The following PNPLA6 variants were observed in gnomAD, a reference collection of about 807,000 sequenced individuals.
PNPLA6 encodes the protein patatin like domain 6, lysophospholipase, also known as patatin-like phospholipase domain-containing protein 6.
In PNPLA6, 105 loss-of-function variants were observed where a neutral mutation model predicts 153.7. The observed-to-expected ratio is 0.68, with a 90% CI of 0.58 to 0.80. The LOEUF (loss-of-function observed/expected upper bound fraction) is 0.80. PNPLA6 is among the 30% of genes least tolerant of loss of function. The probability of loss-of-function intolerance (pLI) is 0.00; values close to 1 mark genes in which losing one functional copy is unlikely to be tolerated. For synonymous variants in PNPLA6, 825 were observed against 822.2 expected (o/e 1.00, Z -0.06); for missense variants, 1,423 against 1,919.3 (o/e 0.74, Z 4.83).
rs2023193223 is a variant in PNPLA6, at chr19:7,542,431, C to T, written c.1253-130C>T. The T allele has an allele frequency of 2.3e-5, 17 of 748,640 alleles. 1 individual carries two copies. In the South Asian group the frequency reaches 2.5e-4, roughly 11 times the overall value. 46.4% of individuals were successfully genotyped at this position (748,640 alleles called of 1,614,324 possible). Reference sequence around the variant, plus strand: ...CTCACTGCAGCCTCGAACTCCTATGCTCAAGTGATCCTCCAGCCCCAGCCT... The same window carrying T: ...CTCACTGCAGCCTCGAACTCCTATGTTCAAGTGATCCTCCAGCCCCAGCCT... On this transcript the variant is annotated intron_variant, in intron 10 of 31. Coordinates refer to ENST00000600737, the MANE Select transcript of PNPLA6 (RefSeq NM_001166114.2).
Position 7,555,774 on chromosome 19 carries a change from C to A in PNPLA6, c.3093+11C>A, listed in dbSNP as rs376813156. 3 of 1,612,314 alleles carry A rather than the reference C, an allele frequency of 1.9e-6. No individual in the cohort carries two copies. The highest frequency in any genetic ancestry group is 3.3e-5 in the Admixed American group (2 of 59,974). ...CGGGAGTGGGCCAAGGTGTGTGTTGCGAGGAGGGATTGCTGCACCCCAGGA... is the reference window on the plus strand; with the variant it reads ...CGGGAGTGGGCCAAGGTGTGTGTTGAGAGGAGGGATTGCTGCACCCCAGGA... On this transcript the variant is annotated intron_variant, in intron 24 of 31. Transcript: ENST00000600737. This position sits in a 1 kb window ranked among gnomAD's most constrained non-coding sequence, Gnocchi z 6.3.
At position 7,561,053 on chromosome 19, in the gene PNPLA6, G is replaced by A. The variant is rs1318719241; in HGVS notation, c.3856G>A (p.Glu1286Lys). The change falls in exon 30 of 32, where the codon GAG (glutamate) becomes AAG (lysine). Residue 1286 changes from glutamate to lysine, a missense_variant. Glu to Lys is a moderately conservative substitution (Grantham distance 56, BLOSUM62 1). Coordinates refer to ENST00000600737, the MANE Select transcript of PNPLA6 (RefSeq NM_001166114.2). ...FPSSGFTDLA[E>K]IVSRIEPPTS... ...AAGCTCTGGCTTCACTGACTTGGCA[G>A]AGATTGTGTCCCGGATTGAGCCCCC... The A allele has an allele frequency of 1.5e-5, 24 of 1,613,342 alleles. No individual in the cohort carries two copies. Among genetic ancestry groups the A allele is most frequent in the Admixed American group, 5.0e-5 (3 of 59,884 alleles).
In PNPLA6 at chr19:7,538,491, A is replaced by G. The variant is rs561984960; in HGVS notation, c.414-1427A>G. Among the ~76,000 whole-genome samples, 4 of 152,224 alleles carry G rather than the reference A, an allele frequency of 2.6e-5. No individual in the cohort carries two copies. The East Asian group carries it at 7.7e-4, about 29-fold the overall frequency. ...AGCCACCACGCCCAGCCAAAAAAGG[A>G]ATTATATCTGAATTTCTTGATTTCA... On this transcript the variant is annotated intron_variant, in intron 3 of 31. Transcript: ENST00000600737.
At chr19:7,539,547 C>G (rs2023025373) in intron 3 of PNPLA6, among the ~76,000 whole-genome samples, 1 of 151,050 alleles carries the variant, frequency 6.6e-6, no homozygotes, top group Non-Finnish European at 1.5e-5. Flanking sequence ...CACCTGAGGT[C>G]AGGAGTTCGA....
chr19:7,556,667 C>T lies in PNPLA6; in HGVS notation c.3223C>T (p.Pro1075Ser), dbSNP rs749321933. The T allele has an allele frequency of 3.7e-6, 6 of 1,613,554 alleles. No homozygotes were observed. The highest frequency in any genetic ancestry group is 5.1e-6 in the Non-Finnish European group (6 of 1,179,576). Residue 1075 changes from proline to serine, a missense_variant, in exon 26 of 32, where the codon CCT becomes TCT. Around this residue, in one of 10 missense-constraint regions of PNPLA6, gnomAD observed 643 missense variants for 835.2 expected, o/e 0.77. Transcript: ENST00000600737. ...CCTGTCCCCGCAGGACCTGTGGCTG[C>T]CTTACTTCAACGTGACCACAGATAT... ...QDKQIEDLWL[P>S]YFNVTTDITA...
At chr19:7,556,949 T>A (rs1427238881) in intron 26 of PNPLA6, 2 of 689,428 alleles carry the variant, frequency 2.9e-6, no homozygotes, top group Non-Finnish European at 5.3e-6. Flanking sequence ...CTTACCCCCC[T>A]CACGCCATCC....
At position 7,553,905 on chromosome 19, in the gene PNPLA6, A is replaced by T; in HGVS notation, c.2291A>T (p.Glu764Val). The change falls in exon 19 of 32, where the codon GAA becomes GTA. Residue 764 changes from glutamate (E) to valine (V), a missense_variant. Transcript: ENST00000600737. ...GGGTTGGGTGTGCCCCCACACTCGG[A>T]ACTCACCAACCCAGCCAGCAACCTG... is the stretch of plus-strand genomic sequence containing the variant. ...GSGLGVPPHSELTNPASNLAT... is the reference protein window; with the variant it reads ...GSGLGVPPHSVLTNPASNLAT... 6.2e-7 allele frequency: 1 copy of T among 1,614,184 alleles called. No individual in the cohort carries two copies. The highest frequency in any genetic ancestry group is 8.5e-7 in the Non-Finnish European group (1 of 1,180,038).
Position 7,556,735 on chromosome 19 carries a change from C to A in PNPLA6, c.3280+11C>A. Reference sequence around the variant, plus strand: ...GAGTCCACAAAGATGGTGGGTGTCCCCGCCCAGCCTGCAGCAACCGCTGAC... The same window carrying A: ...GAGTCCACAAAGATGGTGGGTGTCCACGCCCAGCCTGCAGCAACCGCTGAC... On this transcript the variant is annotated intron_variant, in intron 26 of 31. Coordinates refer to ENST00000600737, the MANE Select transcript of PNPLA6 (RefSeq NM_001166114.2). 1 of 1,605,036 alleles carries A rather than the reference C, an allele frequency of 6.2e-7. No individual in the cohort carries two copies.
At position 7,561,581 on chromosome 19, in the gene PNPLA6, C is replaced by A. The variant is rs1222925506; in HGVS notation, c.*19C>A. The A allele has an allele frequency of 1.3e-6, 2 of 1,540,574 alleles. No homozygotes were observed. The highest frequency in any genetic ancestry group is 1.8e-6 in the Non-Finnish European group (2 of 1,137,386). On this transcript the variant is annotated 3_prime_UTR_variant, in exon 32 of 32. Coordinates refer to ENST00000600737, the MANE Select transcript of PNPLA6 (RefSeq NM_001166114.2). ...TGCCTGAGGACCTCGACAGGGGTCA[C>A]CCCCTCCCTCCCACCCCTGGACTGG...
At chr19:7,547,848 A>C (rs1183202133) in intron 13 of PNPLA6, among the ~76,000 whole-genome samples, 4 of 83,768 alleles carry the variant, frequency 4.8e-5, no homozygotes, top group Non-Finnish European at 6.6e-5. Flanking sequence ...TTTTTTGTAG[A>C]GACAGGGTTT....
At chr19:7,552,491 C>T (rs1446141964) in intron 18 of PNPLA6, among the ~76,000 whole-genome samples, 1 of 152,150 alleles carries the variant, frequency 6.6e-6, no homozygotes, top group Non-Finnish European at 1.5e-5. Context: ...GGCGGTGGGT[C>T]ACGCCTGTAA....
intron 12 of PNPLA6, 22 bp downstream of exon 12, chr19:7,542,950 G>A (rs762029854): frequency 1.2e-6 from 2 of 1,613,832 alleles, no homozygotes; most frequent in South Asian, 2.2e-5. Flanking sequence ...AGGGGAGCTG[G>A]GCACAGGGCG....
In PNPLA6 at chr19:7,555,450, C is replaced by T. The variant is rs1184764531; in HGVS notation, c.2936+83C>T. The T allele has an allele frequency of 1.2e-5, 16 of 1,344,316 alleles. No homozygotes were observed. Among genetic ancestry groups the T allele is most frequent in the Non-Finnish European group, 1.5e-5 (15 of 972,588 alleles). The allele number at this position is 1,344,316 out of a possible 1,614,324, so 83.3% of individuals were successfully genotyped here. ...CTGGGAGAAACCGTGGGGGCGGGGC[C>T]TGGGTGTTCGAGGGTGGAGCTTCCC... On this transcript the variant is annotated intron_variant, in intron 23 of 31. Transcript: ENST00000600737. The surrounding 1 kb of genome is among the most constrained non-coding windows in gnomAD (Gnocchi z 6.3).
chr19:7,541,146 A>G lies in PNPLA6; in HGVS notation c.924+95A>G. Reference sequence around the variant, plus strand: ...AAGGGACCGAGGCCCAGCAGCCAGCAGGCGCTGGAGCTGTGGTTATCGGCC... The same window carrying G: ...AAGGGACCGAGGCCCAGCAGCCAGCGGGCGCTGGAGCTGTGGTTATCGGCC... On this transcript the variant is annotated intron_variant, in intron 7 of 31. Coordinates refer to ENST00000600737, the MANE Select transcript of PNPLA6 (RefSeq NM_001166114.2). The surrounding 1 kb of genome is among the most constrained non-coding windows in gnomAD (Gnocchi z 5.2). 7.2e-7 allele frequency: 1 copy of G among 1,396,092 alleles called. No homozygotes were observed. Among genetic ancestry groups the G allele is most frequent in the Non-Finnish European group, 9.9e-7 (1 of 1,011,964 alleles). 86.5% of individuals were successfully genotyped at this position (1,396,092 alleles called of 1,614,324 possible).
In PNPLA6 at chr19:7,559,002, C is replaced by T. The variant is rs1281068107; in HGVS notation, c.3550C>T (p.Pro1184Ser). The change falls in exon 28 of 32, where the codon CCA becomes TCA. Residue 1184 changes from proline to serine, a missense_variant. By Grantham distance (74) the Pro-to-Ser change is moderately conservative (BLOSUM62 -1). This residue lies in a region of PNPLA6 where 643 missense variants were observed against 835.2 expected (regional missense o/e 0.77). Coordinates refer to ENST00000600737, the MANE Select transcript of PNPLA6 (RefSeq NM_001166114.2). The part of the protein sequence containing the change: ...LNPWADKVKV[P>S]DMAEIQSRLA... ...TCCCTGGGCTGACAAGGTAAAGGTT[C>T]CAGACATGGCTGAAATCCAGTCCCG... 6.2e-7 allele frequency: 1 copy of T among 1,614,212 alleles called. No homozygotes were observed. Among genetic ancestry groups the T allele is most frequent in the African/African-American group, 1.3e-5 (1 of 75,054 alleles).
chr19:7,551,505 A>C, intron 18 of PNPLA6, 68 bp downstream of exon 18: 4 of 1,339,670 alleles, frequency 3.0e-6, no homozygotes, highest in African/African-American at 1.4e-5. Flanking sequence ...CTGGGAGGGA[A>C]GCCTTCTTTC....
chr19:7,559,531 C>T (rs1237435943), intron 28 of PNPLA6, among the ~76,000 whole-genome samples: 1 of 152,106 alleles, frequency 6.6e-6, no homozygotes, highest in Non-Finnish European at 1.5e-5. Context: ...TGTGCCATAG[C>T]CCAAGCCAAT....
chr19:7,541,143 A>G lies in PNPLA6; in HGVS notation c.924+92A>G, dbSNP rs2023118121. The G allele has an allele frequency of 5.2e-6, 7 of 1,340,846 alleles. No individual in the cohort carries two copies. In the South Asian group the frequency reaches 7.4e-5, roughly 14 times the overall value. 83.1% of individuals were successfully genotyped at this position (1,340,846 alleles called of 1,614,324 possible). On this transcript the variant is annotated intron_variant, in intron 7 of 31. Coordinates refer to ENST00000600737, the MANE Select transcript of PNPLA6 (RefSeq NM_001166114.2). This position sits in a 1 kb window ranked among gnomAD's most constrained non-coding sequence, Gnocchi z 5.2. ...TCCAAGGGACCGAGGCCCAGCAGCC[A>G]GCAGGCGCTGGAGCTGTGGTTATCG...
intron 13 of PNPLA6, among the ~76,000 whole-genome samples, chr19:7,544,784 G>A (rs1428923167): frequency 6.6e-6 from 1 of 152,144 alleles, no homozygotes; most frequent in Non-Finnish European, 1.5e-5. Flanking sequence ...ACCCATGGCA[G>A]GGATGGGCTC....
Sources: gnomAD v4.1 joint callset for allele counts (sites outside exome capture counted in the v4.1 genomes callset) on GRCh38, gnomAD v4.1.1 for gene constraint, gnomAD v4.1.1 regional missense constraint, Gnocchi (gnomAD v3.1) non-coding constraint, MANE v1.5 for transcripts, NCBI Gene and HGNC (gene_info 2026-07-23, HGNC 2026-07-21) for gene names.